Variants in RAP1A observed in about 807,000 individuals in gnomAD.
RAP1A encodes the protein RAP1A, member of RAS oncogene family.
In RAP1A, 6 loss-of-function variants were observed where a neutral mutation model predicts 26.4. The ratio of observed to expected loss-of-function variants is 0.23; its 90% CI spans 0.12 to 0.45. RAP1A has a LOEUF of 0.45. Ranked by LOEUF, RAP1A falls within the 20% of genes least tolerant of loss-of-function variation. The pLI is 0.99. For synonymous variants in RAP1A, 73 were observed against 79.4 expected, an observed-to-expected ratio of 0.92 and a Z score of 0.43; for missense variants, 121 against 217.2, an observed-to-expected ratio of 0.56 and a Z score of 2.78.
At chr1:111,613,654 A>G (rs1658965636) in intron 1 of RAP1A, among the ~76,000 whole-genome samples, 1 of 152,224 alleles carries the variant, frequency 6.6e-6, no homozygotes, top group African/African-American at 2.4e-5. Flanking sequence ...AACCAACCAT[A>G]AGACTTGGAC....
chr1:111,646,186 G>A (rs1008321896), intron 1 of RAP1A, among the ~76,000 whole-genome samples: 1 of 152,070 alleles, frequency 6.6e-6, no homozygotes, highest in Non-Finnish European at 1.5e-5. Context: ...TCATCACTGC[G>A]AATTTGATAG....
intron 4 of RAP1A, among the ~76,000 whole-genome samples, chr1:111,702,470 G>GC (rs1662051231): frequency 6.6e-6 from 1 of 151,994 alleles, no homozygotes; most frequent in African/African-American, 2.4e-5. Flanking sequence ...TTAACCATTA[G>GC]TAAATTTAAC....
At chr1:111,542,272 G>GA (rs762640526) in exon 1 of RAP1A, 32 of 598,318 alleles carry the variant, frequency 5.3e-5, no homozygotes, top group Non-Finnish European at 8.1e-5. Context: ...CGTATTTCAG[G>GA]ATCAGACCTG....
upstream of RAP1A, among the ~76,000 whole-genome samples, chr1:111,615,322 G>C (rs1658994105): frequency 6.6e-6 from 1 of 151,526 alleles, no homozygotes; most frequent in Admixed American, 6.6e-5. Flanking sequence ...GGACTGAAGG[G>C]AAGGCAACCA....
intron 2 of RAP1A, among the ~76,000 whole-genome samples, chr1:111,695,065 T>C (rs983413531): frequency 1.3e-5 from 2 of 152,212 alleles, no homozygotes; most frequent in Non-Finnish European, 2.9e-5. Flanking sequence ...AGTTCAGATA[T>C]GTTATTTGTA....
intron 1 of RAP1A, among the ~76,000 whole-genome samples, chr1:111,578,972 C>T (rs1235933242): frequency 2.0e-5 from 3 of 152,120 alleles, no homozygotes; most frequent in Admixed American, 6.6e-5. Context: ...TTAGTACAAA[C>T]GATATTACAA....
At position 111,688,322 on chromosome 1, in the gene RAP1A, TC is replaced by T. The variant is rs1317521150; in HGVS notation, c.-27-3011del. On this transcript the variant is annotated intron_variant, in intron 1 of 7. Coordinates refer to ENST00000369709, the MANE Select transcript of RAP1A (RefSeq NM_002884.4). ...GTGTATATATATTTTTTTCTTTCTT[TC>T]TTTTTTTTTTTTTTGAGACGGAGTC... 3.4e-3 allele frequency among the ~76,000 whole-genome samples: 378 copies of T among 111,852 alleles called. 3 individuals carry two copies. The highest frequency in any genetic ancestry group is 0.013 in the African/African-American group (355 of 27,084). 73.4% of individuals were successfully genotyped at this position (111,852 alleles called of 152,430 possible). A position where few individuals can be genotyped will look rare whatever the true frequency, so the allele number is the denominator to read the frequency against.
intron 1 of RAP1A, among the ~76,000 whole-genome samples, chr1:111,555,858 G>C (rs369779420): frequency 1.3e-5 from 2 of 152,180 alleles, no homozygotes; most frequent in African/African-American, 4.8e-5. Flanking sequence ...ATTTGGCAAC[G>C]ATTTCTTGGA....
rs145524187 is a variant in RAP1A at position 111,605,516 on chromosome 1, A to C, written c.-28+63007A>C. Among the ~76,000 whole-genome samples the C allele has an allele frequency of 1.4e-4, 22 of 152,324 alleles. 1 individual carries two copies. The highest frequency in any genetic ancestry group is 6.8e-3 in the Middle Eastern group (2 of 294). ...TGGGTGGACTGAATTTTTCATTTTTATCAAGCATGGTATGGAAGAAGCAGC... is the reference window on the plus strand; with the variant it reads ...TGGGTGGACTGAATTTTTCATTTTTCTCAAGCATGGTATGGAAGAAGCAGC... On this transcript the variant is annotated intron_variant, in intron 1 of 7. Coordinates refer to the RAP1A transcript ENST00000356415.
At chr1:111,629,955 T>C (rs1028984793) in intron 1 of RAP1A, among the ~76,000 whole-genome samples, 3 of 152,216 alleles carry the variant, frequency 2.0e-5, no homozygotes, top group Admixed American at 1.3e-4. Flanking sequence ...TCCTACTCCT[T>C]AAACTATAGC....
chr1:111,665,561 T>C (rs78048578), intron 1 of RAP1A, among the ~76,000 whole-genome samples: 7,538 of 152,346 alleles, frequency 0.049, 240 homozygotes, highest in South Asian at 0.087. Flanking sequence ...ATAATAGTTA[T>C]ACTGAAGAAT....
chr1:111,574,142 AAAGAAGGG>A (rs1306357524), intron 1 of RAP1A, among the ~76,000 whole-genome samples: 1 of 152,206 alleles, frequency 6.6e-6, no homozygotes, highest in Non-Finnish European at 1.5e-5. Flanking sequence ...TATATAGTGT[AAAGAAGGG>A]GTCCAGTTTC....
intron 1 of RAP1A, among the ~76,000 whole-genome samples, chr1:111,575,013 T>C (rs1658117926): frequency 6.6e-6 from 1 of 152,260 alleles, no homozygotes; most frequent in Non-Finnish European, 1.5e-5. Context: ...CTCTATCACT[T>C]ACTACAATGC....
At chr1:111,633,981 T>C (rs919240282) in intron 1 of RAP1A, among the ~76,000 whole-genome samples, 1 of 152,196 alleles carries the variant, frequency 6.6e-6, no homozygotes, top group Admixed American at 6.5e-5. Flanking sequence ...GAATCATTGC[T>C]TTGTGGTTTT....
chr1:111,589,841 C>T (rs1571485981), intron 1 of RAP1A, among the ~76,000 whole-genome samples: 1 of 152,094 alleles, frequency 6.6e-6, no homozygotes, highest in East Asian at 1.9e-4. Context: ...AACTAGATCA[C>T]CTAGATCACT....
At chr1:111,648,928 T>C in intron 1 of RAP1A, 1 of 724,494 alleles carries the variant, frequency 1.4e-6, no homozygotes, top group East Asian at 2.8e-5. Context: ...ACTTCCCCTT[T>C]ATGGTTCTTC....
intron 1 of RAP1A, 117 bp from the exon 2 acceptor site, chr1:111,691,217 C>T: frequency 9.5e-6 from 5 of 526,028 alleles, no homozygotes; most frequent in South Asian, 9.0e-5. Context: ...TTCTGTTGTC[C>T]CTTTGATAGT....
At chr1:111,632,370 C>T (rs1255294729) in intron 1 of RAP1A, among the ~76,000 whole-genome samples, 1 of 151,676 alleles carries the variant, frequency 6.6e-6, no homozygotes, top group Non-Finnish European at 1.5e-5. Context: ...AAATGAATAT[C>T]ATAGGAATGG....
At chr1:111,590,628 T>A (rs1317078553) in intron 1 of RAP1A, among the ~76,000 whole-genome samples, 2 of 152,020 alleles carry the variant, frequency 1.3e-5, no homozygotes, top group African/African-American at 4.8e-5. Context: ...TCTCATTTTG[T>A]TGCCCAGGTT....
Sources: allele counts gnomAD v4.1 joint callset (sites outside exome capture counted in the v4.1 genomes callset), GRCh38; gene constraint gnomAD v4.1.1; transcripts MANE v1.5; gene names NCBI Gene and HGNC (gene_info 2026-07-23, HGNC 2026-07-21).